SMC6: variants seen among roughly 807,000 people sequenced by gnomAD.
SMC6 encodes structural maintenance of chromosomes protein 6.
A neutral mutation model predicts 142.2 loss-of-function variants in SMC6; 79 were observed. That is an observed-to-expected ratio of 0.56 (90% CI 0.46 to 0.67). The LOEUF (loss-of-function observed/expected upper bound fraction) is 0.67, where lower values mean the gene tolerates loss of function less well. SMC6 is among the 30% of genes least tolerant of loss of function. The pLI is 0.00. For synonymous variants in SMC6, 411 were observed against 412.4 expected, an observed-to-expected ratio of 1.00 and a Z score of 0.04; for missense variants, 1,072 against 1,284.0, an observed-to-expected ratio of 0.83 and a Z score of 2.52.
At chr2:17,685,174 T>C (rs1326922354) in intron 23 of SMC6, among the ~76,000 whole-genome samples, 1 of 147,718 alleles carries the variant, frequency 6.8e-6, no homozygotes, top group Non-Finnish European at 1.5e-5. Context: ...CTAGAGAAGA[T>C]ATAGATATTC....
Position 17,716,188 on chromosome 2 carries a change from C to A in SMC6, c.1423G>T (p.Asp475Tyr). The A allele has an allele frequency of 6.2e-7, 1 of 1,612,868 alleles. No homozygotes were observed. The highest frequency in any genetic ancestry group is 1.7e-4 in the Middle Eastern group (1 of 6,054). Residue 475 changes from aspartate to tyrosine, a missense_variant, in exon 15 of 28, where the codon GAT becomes TAT. Asp to Tyr is a radical substitution (Grantham distance 160). Transcript: ENST00000448223. ...TTAGGGCCAAATCTTTTGAGTCGAT[C>A]AGTTTTACTATCTTTCAATTCTTTC... The part of the protein sequence containing the change: ...QLKELKDSKT[D>Y]RLKRFGPNVP...
intron 7 of SMC6, among the ~76,000 whole-genome samples, chr2:17,727,052 T>C (rs1669663330): frequency 6.6e-6 from 1 of 152,210 alleles, no homozygotes; most frequent in Admixed American, 6.5e-5. Context: ...CAAATGAAAA[T>C]AATGAAGTCA....
At chr2:17,753,371 C>CCTGGGAG (rs1487450769) in intron 1 of SMC6, among the ~76,000 whole-genome samples, 5 of 51,430 alleles carry the variant, frequency 9.7e-5, no homozygotes, top group Admixed American at 1.4e-4. Flanking sequence ...GGGGACGGCC[C>CCTGGGAG]GGAGCAGACG....
chr2:17,680,095 A>C (rs1302379237), intron 24 of SMC6: 2 of 152,182 alleles, frequency 1.3e-5, no homozygotes, highest in Non-Finnish European at 2.9e-5. Flanking sequence ...CATTGCTTCC[A>C]TTCATGGGAT....
chr2:17,689,683 C>T (rs370728679), intron 23 of SMC6, among the ~76,000 whole-genome samples: 2 of 152,190 alleles, frequency 1.3e-5, no homozygotes, highest in African/African-American at 4.8e-5. Flanking sequence ...TGGGCAGATA[C>T]CAAAATCCAT....
chr2:17,714,962 C>G lies in SMC6; in HGVS notation c.1629G>C (p.Arg543Ser). The change falls in exon 16 of 28, where the codon AGG becomes AGC. Residue 543 changes from arginine to serine, a missense_variant. By Grantham distance (110) the Arg-to-Ser change is moderately radical. Around this residue, in one of 3 missense-constraint regions of SMC6, gnomAD observed 994 missense variants for 1,153.2 expected, o/e 0.86. Transcript: ENST00000448223. ...AYCCHNHADE[R>S]VLQALMKRFY... is the part of the protein sequence containing the mutation. ...ACCTTTTCATGAGTGCCTGAAGGAC[C>G]CTTTCATCAGCATGATTATGGCAAC... The G allele has an allele frequency of 6.2e-7, 1 of 1,613,956 alleles. No individual in the cohort carries two copies. Among genetic ancestry groups the G allele is most frequent in the Non-Finnish European group, 8.5e-7 (1 of 1,179,938 alleles).
chr2:17,690,413 C>T (rs138392138), intron 23 of SMC6, among the ~76,000 whole-genome samples: 34 of 151,948 alleles, frequency 2.2e-4, no homozygotes, highest in African/African-American at 8.2e-4. Context: ...GTCAACATGG[C>T]GAAACTCCAG....
chr2:17,670,974 A>G (rs960745002), intron 25 of SMC6, among the ~76,000 whole-genome samples: 2 of 149,372 alleles, frequency 1.3e-5, no homozygotes, highest in African/African-American at 4.9e-5. Flanking sequence ...CAATCCTCCC[A>G]CCTCAGCCTC....
chr2:17,683,858 G>C, intron 23 of SMC6, 95 bp from the exon 24 acceptor site: 1 of 1,167,502 alleles, frequency 8.6e-7, no homozygotes, highest in Admixed American at 2.0e-5. Context: ...AGAACAGGGA[G>C]GGGCAGAGAG....
At chr2:17,676,704 T>G (rs1194736328) in intron 25 of SMC6, among the ~76,000 whole-genome samples, 1 of 152,174 alleles carries the variant, frequency 6.6e-6, no homozygotes, top group African/African-American at 2.4e-5. Context: ...TCCACTTATT[T>G]AGGTCTTCTT....
chr2:17,739,879 AAC>A (rs60784309), intron 4 of SMC6, among the ~76,000 whole-genome samples: 4,799 of 115,430 alleles, frequency 0.042, 150 homozygotes, highest in African/African-American at 0.084. Context: ...GAATATGGTA[AAC>A]ACACACACAC....
At chr2:17,706,444 A>C (rs1668512383) in intron 18 of SMC6, among the ~76,000 whole-genome samples, 1 of 152,096 alleles carries the variant, frequency 6.6e-6, no homozygotes, top group South Asian at 2.1e-4. Flanking sequence ...AATCACATAA[A>C]AATGACTAGA....
rs1670214531 is a variant in SMC6, at chr2:17,737,453, T to C, written c.344+768A>G. On this transcript the variant is annotated intron_variant, in intron 5 of 27. Coordinates refer to ENST00000448223, the MANE Select transcript of SMC6 (RefSeq NM_001142286.2). ...CAGCATTTGGGGCATTTTGCTGTTA[T>C]GAAAAACAAAGATCCCTTCAGAGGT... Among the ~76,000 whole-genome samples the C allele has an allele frequency of 2.0e-5, 3 of 152,280 alleles. No individual in the cohort carries two copies. In the South Asian group the frequency reaches 6.2e-4, roughly 32 times the overall value.
At chr2:17,678,182 G>C (rs1390876665) in intron 25 of SMC6, among the ~76,000 whole-genome samples, 1 of 152,056 alleles carries the variant, frequency 6.6e-6, no homozygotes, top group African/African-American at 2.4e-5. Context: ...AACCATCTTT[G>C]CTTCCTTTTA....
chr2:17,724,266 G>C (rs1326283157), intron 9 of SMC6, among the ~76,000 whole-genome samples: 1 of 152,020 alleles, frequency 6.6e-6, no homozygotes, highest in Non-Finnish European at 1.5e-5. Context: ...ACATAACCCA[G>C]GTTTGAAAGG....
At chr2:17,735,119 CA>C (rs559011509) in intron 5 of SMC6, among the ~76,000 whole-genome samples, 11 of 143,094 alleles carry the variant, frequency 7.7e-5, no homozygotes, top group South Asian at 2.2e-4. Flanking sequence ...GCTAAACAAA[CA>C]AAAAAAAAAC....
Position 17,741,653 on chromosome 2 carries a change from T to A in SMC6, c.197A>T (p.Lys66Met). 1 of 1,611,864 alleles carries A rather than the reference T, an allele frequency of 6.2e-7. No homozygotes were observed. The highest frequency in any genetic ancestry group is 8.5e-7 in the Non-Finnish European group (1 of 1,179,240). The change falls in exon 4 of 28, where the codon AAG becomes ATG. Residue 66 changes from lysine (K) to methionine (M), a missense_variant. Physicochemically the swap from Lys to Met is moderately conservative, Grantham distance 95. Coordinates refer to ENST00000448223, the MANE Select transcript of SMC6 (RefSeq NM_001142286.2). ...AACAAAGTTGACATTAGAACCAAAC[T>A]TAAAAGGTCCAAGCATTGAATGACA... is the stretch of plus-strand genomic sequence containing the variant. ...FMCHSMLGPF[K>M]FGSNVNFVVG...
chr2:17,682,544 C>G (rs1345015726), intron 24 of SMC6, among the ~76,000 whole-genome samples: 5 of 152,094 alleles, frequency 3.3e-5, no homozygotes, highest in Non-Finnish European at 5.9e-5. Flanking sequence ...TGTGAGGACA[C>G]CATTTGAGGC....
At chr2:17,701,746 TA>T (rs1558345810) in intron 20 of SMC6, 82 bp downstream of exon 20, 1 of 843,326 alleles carries the variant, frequency 1.2e-6, no homozygotes, top group Non-Finnish European at 1.9e-6. Flanking sequence ...AAGAACTTTC[TA>T]AAAAAGCTGA....
Sources: gnomAD v4.1 joint callset for allele counts (sites outside exome capture counted in the v4.1 genomes callset) on GRCh38, gnomAD v4.1.1 for gene constraint, gnomAD v4.1.1 regional missense constraint, MANE v1.5 for transcripts, NCBI Gene and HGNC (gene_info 2026-07-23, HGNC 2026-07-21) for gene names.